The following NUP160 variants were observed in gnomAD, a reference collection of about 807,000 sequenced individuals.
The protein encoded by NUP160 is nucleoporin 160, also known as nuclear pore complex protein Nup160.
In NUP160, 94 loss-of-function variants were observed where a neutral mutation model predicts 196.9. That is an observed-to-expected ratio of 0.48 (90% CI 0.40 to 0.57). NUP160 has a LOEUF of 0.57. Ranked by LOEUF, NUP160 falls within the 20% of genes least tolerant of loss-of-function variation. The pLI, the probability that NUP160 is intolerant of heterozygous loss-of-function variation, is 0.00. For missense variants in NUP160, 1,638 were observed against 1,748.3 expected, an observed-to-expected ratio of 0.94 and a Z score of 1.13; for synonymous variants, 605 against 619.7, an observed-to-expected ratio of 0.98 and a Z score of 0.35.
At chr11:47,803,203 G>A (rs527604399) in intron 22 of NUP160, among the ~76,000 whole-genome samples, 3 of 148,904 alleles carry the variant, frequency 2.0e-5, no homozygotes, top group South Asian at 4.3e-4. Flanking sequence ...AAAACACACA[G>A]GGGCAGGAGA....
intron 20 of NUP160, among the ~76,000 whole-genome samples, chr11:47,805,863 T>C (rs1046702129): frequency 1.3e-5 from 2 of 151,574 alleles, no homozygotes; most frequent in Non-Finnish European, 2.9e-5. Flanking sequence ...CTCTGCCGCC[T>C]AGGCTGGAGT....
At chr11:47,790,103 G>A (rs1043724080) in intron 29 of NUP160, among the ~76,000 whole-genome samples, 4 of 150,016 alleles carry the variant, frequency 2.7e-5, no homozygotes, top group Admixed American at 6.7e-5. Flanking sequence ...GCGCCACCAC[G>A]CCCAGCTAAT....
At chr11:47,818,717 C>G (rs1851791967) in intron 10 of NUP160, among the ~76,000 whole-genome samples, 1 of 152,130 alleles carries the variant, frequency 6.6e-6, no homozygotes. Flanking sequence ...TTCCTTCCTT[C>G]TACTGAGATG....
intron 7 of NUP160, among the ~76,000 whole-genome samples, chr11:47,827,849 A>T (rs571338866): frequency 6.9e-4 from 105 of 152,302 alleles, no homozygotes; most frequent in South Asian, 1.7e-3. Context: ...AAGAAAATGC[A>T]TCTAGTTTAG....
At chr11:47,844,678 T>C (rs1852366116) in intron 2 of NUP160, among the ~76,000 whole-genome samples, 1 of 152,212 alleles carries the variant, frequency 6.6e-6, no homozygotes, top group Non-Finnish European at 1.5e-5. Context: ...CTTATGCTGT[T>C]CCCTTTTTCC....
intron 2 of NUP160, among the ~76,000 whole-genome samples, chr11:47,846,816 A>G (rs1455666109): frequency 2.0e-5 from 3 of 152,200 alleles, no homozygotes; most frequent in Admixed American, 1.3e-4. Context: ...TATTGTGTGT[A>G]TATTCCTATA....
At chr11:47,791,415 C>T (rs1351128384) in intron 29 of NUP160, among the ~76,000 whole-genome samples, 2 of 152,198 alleles carry the variant, frequency 1.3e-5, no homozygotes, top group Non-Finnish European at 2.9e-5. Flanking sequence ...TGTGTGCTCA[C>T]GGCAACCTCT....
At chr11:47,837,455 C>T (rs1236767250) in intron 5 of NUP160, 90 bp downstream of exon 5, 38 of 986,842 alleles carry the variant, frequency 3.9e-5, no homozygotes, top group Non-Finnish European at 5.9e-5. Flanking sequence ...TAATGTTTGC[C>T]TTGGAATAAG....
exon 4 of NUP160, chr11:47,840,053 C>G: frequency 6.2e-7 from 1 of 1,611,292 alleles, no homozygotes; most frequent in Non-Finnish European, 8.5e-7. Context: ...ATCTGACTGT[C>G]AACTACCAAC....
chr11:47,840,541 A>C, exon 3 of NUP160: 1 of 1,613,624 alleles, frequency 6.2e-7, no homozygotes, highest in Non-Finnish European at 8.5e-7. Flanking sequence ...CAACAGATTT[A>C]TGTCCAGTGA....
chr11:47,836,374 A>C (rs560244228), intron 6 of NUP160, among the ~76,000 whole-genome samples: 93 of 152,324 alleles, frequency 6.1e-4, no homozygotes, highest in African/African-American at 2.2e-3. Context: ...CCATTTTACC[A>C]ACTTACATTT....
intron 23 of NUP160, among the ~76,000 whole-genome samples, chr11:47,798,937 T>A (rs1474685431): frequency 6.9e-6 from 1 of 144,572 alleles, no homozygotes; most frequent in African/African-American, 2.6e-5. Context: ...CCCATCTCTA[T>A]TATTAAAAAA....
At chr11:47,824,138 A>G (rs1315280761) in intron 7 of NUP160, among the ~76,000 whole-genome samples, 2 of 149,014 alleles carry the variant, frequency 1.3e-5, no homozygotes, top group Admixed American at 1.4e-4. Context: ...GTTTTTCATA[A>G]TGGCTGCAGC....
chr11:47,782,303 A>AAAAAT (rs2097661658), intron 34 of NUP160, among the ~76,000 whole-genome samples: 2 of 40,526 alleles, frequency 4.9e-5, no homozygotes, highest in African/African-American at 2.5e-4. Flanking sequence ...AAAAAAAAAA[A>AAAAAT]ATATATATAT....
chr11:47,818,263 T>G lies in NUP160; in HGVS notation c.1363-139A>C, dbSNP rs112459953. The stretch of plus-strand genomic sequence containing the variant: ...TATGTGGGCAATAACAGTAGTGCGG[T>G]TACATGTTTTCACACTGAAAGTGAA... On this transcript the variant is annotated intron_variant, in intron 10 of 35. Coordinates refer to ENST00000378460, the Ensembl canonical transcript of NUP160. The G allele has an allele frequency of 2.2e-4, 131 of 592,210 alleles. 2 individuals are homozygous for G. The highest frequency in any genetic ancestry group is 2.4e-4 in the Non-Finnish European group (78 of 323,442). The allele number at this position is 592,210 out of a possible 1,614,324, so 36.7% of individuals were successfully genotyped here. A position where few individuals can be genotyped will look rare whatever the true frequency, so the allele number is the denominator to read the frequency against.
intron 4 of NUP160, among the ~76,000 whole-genome samples, chr11:47,837,889 CTT>C (rs1852207018): frequency 6.6e-6 from 1 of 152,212 alleles, no homozygotes; most frequent in South Asian, 2.1e-4. Context: ...GGCAGAATCA[CTT>C]CATTCTTTCT....
At chr11:47,797,985 T>C in exon 26 of NUP160, 1 of 1,575,310 alleles carries the variant, frequency 6.3e-7, no homozygotes, top group East Asian at 2.3e-5. Flanking sequence ...TACCTCATTA[T>C]GCAGATTCAC....
chr11:47,837,483 C>T (rs1852198662), intron 5 of NUP160, 62 bp downstream of exon 5: 1 of 1,249,846 alleles, frequency 8.0e-7, no homozygotes, highest in Non-Finnish European at 1.2e-6. Context: ...ACAATAACTG[C>T]CGACCAGTGC....
intron 17 of NUP160, among the ~76,000 whole-genome samples, chr11:47,810,536 G>A (rs1037294878): frequency 2.6e-5 from 4 of 151,550 alleles, no homozygotes; most frequent in Non-Finnish European, 5.9e-5. Context: ...GATGTATCTG[G>A]GTTTATAATT....
Sources: allele counts gnomAD v4.1 joint callset (sites outside exome capture counted in the v4.1 genomes callset), GRCh38; gene constraint gnomAD v4.1.1; transcripts MANE v1.5; gene names NCBI Gene and HGNC (gene_info 2026-07-23, HGNC 2026-07-21).